CCDC85A: variants seen among roughly 807,000 people sequenced by gnomAD.
The protein encoded by CCDC85A is coiled-coil domain containing 85A.
CCDC85A carries 38 observed loss-of-function variants against 50.2 expected under a neutral mutation model. The observed-to-expected ratio is 0.76, with a 90% CI of 0.58 to 0.99. CCDC85A has a LOEUF of 0.99. CCDC85A is among the 50% of genes least tolerant of loss of function. The probability of loss-of-function intolerance (pLI) is 0.00; values close to 1 mark genes in which losing one functional copy is unlikely to be tolerated. For synonymous variants in CCDC85A, 366 were observed against 301.4 expected (o/e 1.21, Z -2.22); for missense variants, 820 against 742.0 (o/e 1.11, Z -1.22).
intron 2 of CCDC85A, among the ~76,000 whole-genome samples, chr2:56,238,788 C>A (rs533006026): frequency 6.6e-6 from 1 of 152,146 alleles, no homozygotes; most frequent in East Asian, 1.9e-4. Flanking sequence ...TGGGCCCAGT[C>A]TACATAAAAC....
intron 2 of CCDC85A, among the ~76,000 whole-genome samples, chr2:56,199,515 A>T (rs1417238904): frequency 6.6e-6 from 1 of 152,032 alleles, no homozygotes; most frequent in African/African-American, 2.4e-5. Context: ...CTTACTTTTG[A>T]TGGTTAGAGA....
intron 2 of CCDC85A, among the ~76,000 whole-genome samples, chr2:56,227,325 G>A (rs1668584073): frequency 6.6e-6 from 1 of 152,178 alleles, no homozygotes; most frequent in African/African-American, 2.4e-5. Context: ...TAGCTGAAGT[G>A]TGTTGCTTGG....
intron 2 of CCDC85A, among the ~76,000 whole-genome samples, chr2:56,274,641 C>T (rs555176348): frequency 1.3e-5 from 2 of 152,312 alleles, no homozygotes; most frequent in South Asian, 4.1e-4. Context: ...TTCACAGCAG[C>T]ATCTAGAGTA....
In CCDC85A at chr2:56,194,118, C is replaced by A. The variant is rs555814621; in HGVS notation, c.1240+678C>A. On this transcript the variant is annotated intron_variant, in intron 2 of 5. Coordinates refer to ENST00000407595, the MANE Select transcript of CCDC85A (RefSeq NM_001080433.2). Reference sequence around the variant, plus strand: ...AACACTGTCATCAAACTCCCTTATACATATTCCAAATAATATGCTGTCTTA... The same window carrying A: ...AACACTGTCATCAAACTCCCTTATAAATATTCCAAATAATATGCTGTCTTA... Among the ~76,000 whole-genome samples, 8 of 152,334 alleles carry A rather than the reference C, an allele frequency of 5.3e-5. No individual in the cohort carries two copies. In the South Asian group the frequency reaches 1.7e-3, roughly 32 times the overall value.
At position 56,309,650 on chromosome 2, in the gene CCDC85A, C is replaced by T. The variant is rs561419517; in HGVS notation, c.1241-33229C>T. On this transcript the variant is annotated intron_variant, in intron 2 of 5. Transcript: ENST00000407595. ...TCCTTGGTAATGGTTCATCTTTGGA[C>T]AGTCACATTTAGAAAACAGTTTTAG... is the stretch of plus-strand genomic sequence containing the variant. Among the ~76,000 whole-genome samples, 9 of 152,208 alleles carry T rather than the reference C, an allele frequency of 5.9e-5. No homozygotes were observed. In the East Asian group the frequency reaches 1.7e-3, roughly 29 times the overall value.
intron 2 of CCDC85A, among the ~76,000 whole-genome samples, chr2:56,305,642 A>C (rs1468791211): frequency 5.3e-5 from 8 of 152,278 alleles, no homozygotes; most frequent in Non-Finnish European, 1.2e-4. Context: ...AGGTTTCAAC[A>C]ATGACACAAG....
chr2:56,230,078 T>C lies in CCDC85A; in HGVS notation c.1240+36638T>C, dbSNP rs571812630. 2.4e-4 allele frequency among the ~76,000 whole-genome samples: 37 copies of C among 152,324 alleles called. No homozygotes were observed. In the South Asian group the frequency reaches 6.6e-3, roughly 27 times the overall value. On this transcript the variant is annotated intron_variant, in intron 2 of 5. Transcript: ENST00000407595. ...CCAATTTTGGGCAGGGGGCAACTCATTGTCAGATTCAGCAGTGAAAGGTAT... is the reference window on the plus strand; with the variant it reads ...CCAATTTTGGGCAGGGGGCAACTCACTGTCAGATTCAGCAGTGAAAGGTAT...
intron 1 of CCDC85A, among the ~76,000 whole-genome samples, chr2:56,188,255 C>A (rs1676137087): frequency 6.6e-6 from 1 of 152,146 alleles, no homozygotes; most frequent in Admixed American, 6.6e-5. Context: ...CTTAGCTGTT[C>A]ATCAGAAGGC....
intron 4 of CCDC85A, among the ~76,000 whole-genome samples, chr2:56,374,292 C>T (rs745657729): frequency 6.6e-5 from 10 of 152,034 alleles, no homozygotes; most frequent in African/African-American, 9.7e-5. Context: ...AGAATGTGGC[C>T]TCAGTAGGCT....
intron 2 of CCDC85A, among the ~76,000 whole-genome samples, chr2:56,239,743 C>T (rs999377398): frequency 3.0e-4 from 45 of 152,150 alleles, no homozygotes; most frequent in African/African-American, 1.0e-3. Flanking sequence ...GTTCTGCCCT[C>T]ATTCAGTGAG....
chr2:56,331,493 A>G (rs969643571), intron 2 of CCDC85A, among the ~76,000 whole-genome samples: 2 of 152,206 alleles, frequency 1.3e-5, no homozygotes, highest in African/African-American at 2.4e-5. Context: ...TCTGCAATAT[A>G]TCCATGTAAC....
intron 2 of CCDC85A, among the ~76,000 whole-genome samples, chr2:56,302,739 C>T (rs1421700911): frequency 6.6e-6 from 1 of 152,204 alleles, no homozygotes; most frequent in Non-Finnish European, 1.5e-5. Flanking sequence ...AAGTCAGAGT[C>T]ACTGTGTGTA....
intron 2 of CCDC85A, among the ~76,000 whole-genome samples, chr2:56,320,518 A>G (rs1380156694): frequency 6.6e-6 from 1 of 152,256 alleles, no homozygotes; most frequent in African/African-American, 2.4e-5. Flanking sequence ...ACACCTCTAC[A>G]CAAATAAACT....
At chr2:56,257,068 G>A (rs1203882096) in intron 2 of CCDC85A, among the ~76,000 whole-genome samples, 1 of 152,122 alleles carries the variant, frequency 6.6e-6, no homozygotes, top group Non-Finnish European at 1.5e-5. Context: ...ACTCTCCATG[G>A]CTCAGTGTAT....
At chr2:56,266,899 C>T (rs1670473047) in intron 2 of CCDC85A, among the ~76,000 whole-genome samples, 1 of 152,160 alleles carries the variant, frequency 6.6e-6, no homozygotes, top group East Asian at 1.9e-4. Context: ...AAACTATTAA[C>T]ATTCAAGTGA....
intron 2 of CCDC85A, among the ~76,000 whole-genome samples, chr2:56,282,761 C>T (rs760340382): frequency 1.2e-4 from 19 of 152,206 alleles, no homozygotes; most frequent in Non-Finnish European, 1.9e-4. Flanking sequence ...CCTCTCGCCT[C>T]GGCCTCCCAG....
At chr2:56,270,165 G>A (rs1235054628) in intron 2 of CCDC85A, among the ~76,000 whole-genome samples, 1 of 152,166 alleles carries the variant, frequency 6.6e-6, no homozygotes, top group Non-Finnish European at 1.5e-5. Flanking sequence ...AGACTAATGA[G>A]TGGTAGACTC....
intron 2 of CCDC85A, among the ~76,000 whole-genome samples, chr2:56,222,692 T>C (rs2103911361): frequency 6.6e-6 from 1 of 152,264 alleles, no homozygotes; most frequent in Middle Eastern, 3.4e-3. Flanking sequence ...TTCCCACCCG[T>C]TGATAACAAA....
intron 2 of CCDC85A, among the ~76,000 whole-genome samples, chr2:56,330,845 C>T (rs1397030838): frequency 1.3e-5 from 2 of 152,028 alleles, no homozygotes; most frequent in Non-Finnish European, 2.9e-5. Flanking sequence ...ATAGAACTAC[C>T]ATTTGATCTA....
Sources: gnomAD v4.1 joint callset for allele counts (sites outside exome capture counted in the v4.1 genomes callset) on GRCh38, gnomAD v4.1.1 for gene constraint, MANE v1.5 for transcripts, NCBI Gene and HGNC (gene_info 2026-07-23, HGNC 2026-07-21) for gene names.